Variants in CCSER2 observed in about 807,000 individuals in gnomAD.
The protein encoded by CCSER2 is coiled-coil serine rich protein 2.
A neutral mutation model predicts 92.3 loss-of-function variants in CCSER2; 46 were observed. The observed-to-expected ratio is 0.50, with a 90% CI of 0.39 to 0.64. The LOEUF (loss-of-function observed/expected upper bound fraction) is 0.64. CCSER2 is among the 30% of genes least tolerant of loss of function. The pLI is 0.00. For synonymous variants in CCSER2, 433 were observed against 431.4 expected, an observed-to-expected ratio of 1.00 and a Z score of -0.04; for missense variants, 1,244 against 1,238.9, an observed-to-expected ratio of 1.00 and a Z score of -0.06.
At chr10:84,368,103 C>G (rs762798714) in intron 1 of CCSER2, among the ~76,000 whole-genome samples, 2 of 152,248 alleles carry the variant, frequency 1.3e-5, no homozygotes, top group South Asian at 4.1e-4. Context: ...CTGGTGATGC[C>G]TCTGCCTAGG....
At chr10:84,410,473 G>A (rs929647268) in intron 3 of CCSER2, among the ~76,000 whole-genome samples, 7 of 152,000 alleles carry the variant, frequency 4.6e-5, no homozygotes, top group African/African-American at 1.5e-4. Context: ...GGTGTGAGAT[G>A]GTATCTCATT....
At position 84,372,172 on chromosome 10, in the gene CCSER2, A is replaced by G. The variant is rs1047758233; in HGVS notation, c.1120A>G (p.Arg374Gly). 6 of 1,613,534 alleles carry G rather than the reference A, an allele frequency of 3.7e-6. No homozygotes were observed. The African/African-American group carries it at 4.0e-5, about 11-fold the overall frequency. Reference sequence around the variant, plus strand: ...AGAACTGATTGAAAATGAAAGTTATAGAACAAAAAACAACCAGACCATGAA... The same window carrying G: ...AGAACTGATTGAAAATGAAAGTTATGGAACAAAAAACAACCAGACCATGAA... Reference protein sequence around the residue: ...DQELIENESYRTKNNQTMKHD... With the variant: ...DQELIENESYGTKNNQTMKHD... The change falls in exon 2 of 10, where the codon AGA becomes GGA. Residue 374 changes from arginine to glycine, a missense_variant. Arg to Gly is a moderately radical substitution (Grantham distance 125). Coordinates refer to ENST00000372088, the MANE Select transcript of CCSER2 (RefSeq NM_001284240.2).
At chr10:84,338,702 G>A (rs1472973308) in intron 1 of CCSER2, among the ~76,000 whole-genome samples, 1 of 152,130 alleles carries the variant, frequency 6.6e-6, no homozygotes, top group East Asian at 1.9e-4. Context: ...GAACAAATGA[G>A]CAACTTTTCC....
At chr10:84,403,339 T>C (rs1031300151) in intron 3 of CCSER2, among the ~76,000 whole-genome samples, 1 of 152,146 alleles carries the variant, frequency 6.6e-6, no homozygotes, top group Non-Finnish European at 1.5e-5. Context: ...TATGAAACTT[T>C]AAAAGAAATA....
At chr10:84,429,051 G>T (rs1485481525) in intron 5 of CCSER2, among the ~76,000 whole-genome samples, 1 of 145,328 alleles carries the variant, frequency 6.9e-6, no homozygotes, top group Non-Finnish European at 1.5e-5. Context: ...GTTTTGTTTT[G>T]TTTTTCTTCT....
chr10:84,493,594 A>G (rs1848286674), intron 9 of CCSER2, among the ~76,000 whole-genome samples: 3 of 152,204 alleles, frequency 2.0e-5, no homozygotes, highest in Admixed American at 1.3e-4. Context: ...GGGGTGGATT[A>G]TTCATGAGTT....
intron 5 of CCSER2, among the ~76,000 whole-genome samples, chr10:84,429,032 T>C (rs1370278797): frequency 1.4e-5 from 2 of 147,772 alleles, no homozygotes; most frequent in Non-Finnish European, 3.0e-5. Context: ...TAAGAAATAC[T>C]GGTCTGTAGT....
chr10:84,432,762 A>G (rs1843856565), intron 5 of CCSER2, among the ~76,000 whole-genome samples: 2 of 152,156 alleles, frequency 1.3e-5, no homozygotes, highest in African/African-American at 2.4e-5. Flanking sequence ...CTTGGGTTGC[A>G]CTTTTCATGT....
chr10:84,477,772 TA>T (rs968858896), intron 9 of CCSER2, 108 bp downstream of exon 9: 1 of 631,090 alleles, frequency 1.6e-6, no homozygotes, highest in African/African-American at 1.9e-5. Context: ...TCATGGCTGT[TA>T]ATTTTTTTGT....
rs1231989053 is a variant in CCSER2, at chr10:84,516,644, C to T, written c.*2377C>T. Reference sequence around the variant, plus strand: ...TTAAATTTATTTTTAATTCCCTAGTCTGAGGGAAATGTCTTTATTGTCCAT... The same window carrying T: ...TTAAATTTATTTTTAATTCCCTAGTTTGAGGGAAATGTCTTTATTGTCCAT... On this transcript the variant is annotated 3_prime_UTR_variant, in exon 10 of 10. Transcript: ENST00000372088. The T allele has an allele frequency of 6.6e-6, 1 of 152,114 alleles. No individual in the cohort carries two copies. Among genetic ancestry groups the T allele is most frequent in the Non-Finnish European group, 1.5e-5 (1 of 68,014 alleles). The allele number at this position is 152,114 out of a possible 1,614,324, so 9.4% of individuals were successfully genotyped here.
Position 84,440,747 on chromosome 10 carries a change from C to T in CCSER2, c.2064+2040C>T, listed in dbSNP as rs192182934. 4.7e-3 allele frequency among the ~76,000 whole-genome samples: 712 copies of T among 152,322 alleles called. 9 individuals carry two copies. The highest frequency in any genetic ancestry group is 4.9e-3 in the Non-Finnish European group (335 of 68,024). On this transcript the variant is annotated intron_variant, in intron 6 of 9. Coordinates refer to ENST00000372088, the MANE Select transcript of CCSER2 (RefSeq NM_001284240.2). ...GAATGGCACACTGTTTTAGTTACTT[C>T]ATTACTGAAAATCTCTTTATCCTGG...
At chr10:84,445,591 A>G (rs939393886) in intron 6 of CCSER2, among the ~76,000 whole-genome samples, 1 of 152,250 alleles carries the variant, frequency 6.6e-6, no homozygotes, top group Non-Finnish European at 1.5e-5. Flanking sequence ...GCCAGCATCT[A>G]GCAAGAAATG....
chr10:84,391,867 T>G, intron 3 of CCSER2: 1 of 1,458,552 alleles, frequency 6.9e-7, no homozygotes, highest in Non-Finnish European at 9.6e-7. Flanking sequence ...AATCCAAGAT[T>G]TTATATTTTT....
intron 8 of CCSER2, among the ~76,000 whole-genome samples, chr10:84,472,865 A>G (rs968431897): frequency 5.3e-5 from 8 of 152,208 alleles, no homozygotes; most frequent in Admixed American, 5.2e-4. Context: ...AACATCTTCT[A>G]ATATCTAGTC....
chr10:84,399,444 C>T (rs1241453875), intron 3 of CCSER2, among the ~76,000 whole-genome samples: 3 of 152,070 alleles, frequency 2.0e-5, no homozygotes, highest in South Asian at 2.1e-4. Context: ...TGAAATCTCT[C>T]GGAGTAGGAA....
At chr10:84,499,939 T>C in intron 9 of CCSER2, 1 of 1,613,998 alleles carries the variant, frequency 6.2e-7, no homozygotes, top group South Asian at 1.1e-5. Flanking sequence ...CCACGGACTG[T>C]TCCACCGCAC....
intron 5 of CCSER2, among the ~76,000 whole-genome samples, chr10:84,430,888 T>C (rs546456084): frequency 6.6e-6 from 1 of 152,348 alleles, no homozygotes; most frequent in East Asian, 1.9e-4. Flanking sequence ...AATGGAGTTT[T>C]AGAAATCTCT....
At chr10:84,504,200 G>T (rs1394557318) in intron 9 of CCSER2, among the ~76,000 whole-genome samples, 3 of 151,858 alleles carry the variant, frequency 2.0e-5, no homozygotes, top group African/African-American at 7.3e-5. Flanking sequence ...ATATAAATAT[G>T]AGCATTTAGG....
At chr10:84,470,532 GA>G in intron 8 of CCSER2, 74 bp downstream of exon 8, 2 of 1,235,700 alleles carry the variant, frequency 1.6e-6, no homozygotes, top group Non-Finnish European at 1.0e-6. Flanking sequence ...CTCTGAGCCA[GA>G]AGTAGAGTTT....
Sources: allele counts gnomAD v4.1 joint callset (sites outside exome capture counted in the v4.1 genomes callset), GRCh38; gene constraint gnomAD v4.1.1; transcripts MANE v1.5; gene names NCBI Gene and HGNC (gene_info 2026-07-23, HGNC 2026-07-21).